The following THSD7B variants were observed in gnomAD, a reference collection of about 807,000 sequenced individuals.
THSD7B encodes thrombospondin type-1 domain-containing protein 7B.
In THSD7B, 138 loss-of-function variants were observed where a neutral mutation model predicts 213.6. The ratio of observed to expected loss-of-function variants is 0.65; its 90% confidence interval spans 0.56 to 0.74. The LOEUF (loss-of-function observed/expected upper bound fraction) is 0.74. THSD7B is among the 30% of genes least tolerant of loss of function. The pLI, the probability that THSD7B is intolerant of heterozygous loss-of-function variation, is 0.00. For missense variants in THSD7B, 1,931 were observed against 1,991.5 expected, an observed-to-expected ratio of 0.97 and a Z score of 0.58; for synonymous variants, 742 against 687.0, an observed-to-expected ratio of 1.08 and a Z score of -1.25.
At chr2:137,076,586 C>A (rs1183507777) in intron 3 of THSD7B, among the ~76,000 whole-genome samples, 1 of 152,086 alleles carries the variant, frequency 6.6e-6, no homozygotes, top group Non-Finnish European at 1.5e-5. Context: ...CAGTGCGCTG[C>A]ACCCACCGTC....
intron 1 of THSD7B, among the ~76,000 whole-genome samples, chr2:136,791,944 T>G (rs1452774056): frequency 6.6e-6 from 1 of 152,048 alleles, no homozygotes; most frequent in Non-Finnish European, 1.5e-5. Context: ...TTTAACCTTT[T>G]GAAGAATTAT....
chr2:137,555,422 CA>C (rs1184036312), intron 15 of THSD7B, among the ~76,000 whole-genome samples: 1 of 152,200 alleles, frequency 6.6e-6, no homozygotes, highest in Non-Finnish European at 1.5e-5. Context: ...TGCTGATACC[CA>C]GGCAAACAGG....
intron 7 of THSD7B, among the ~76,000 whole-genome samples, chr2:137,219,065 G>A (rs1269991530): frequency 6.6e-6 from 1 of 151,918 alleles, no homozygotes; most frequent in Non-Finnish European, 1.5e-5. Flanking sequence ...AAAATATACA[G>A]CATGATTCTC....
At chr2:136,795,543 A>C (rs552100537) in intron 1 of THSD7B, among the ~76,000 whole-genome samples, 1 of 152,082 alleles carries the variant, frequency 6.6e-6, no homozygotes, top group South Asian at 2.1e-4. Flanking sequence ...CATCTTTGTG[A>C]GGGCCGTTAT....
intron 3 of THSD7B, among the ~76,000 whole-genome samples, chr2:137,092,947 T>G (rs1310581811): frequency 6.6e-6 from 1 of 152,214 alleles, no homozygotes; most frequent in Non-Finnish European, 1.5e-5. Flanking sequence ...CCCCCTCCCC[T>G]TTTTTAAACC....
rs372687183 is a variant in THSD7B, at chr2:137,388,636, C to A, written c.2501-16977C>A. 1.1e-4 allele frequency among the ~76,000 whole-genome samples: 16 copies of A among 152,060 alleles called. No homozygotes were observed. The East Asian group carries it at 1.5e-3, about 15-fold the overall frequency. On this transcript the variant is annotated intron_variant, in intron 12 of 27. Transcript: ENST00000409968. ...CCTCCTACCTAATTATATGTTTGTA[C>A]CCATTAACCAACCTCTCTTCATCCT...
intron 2 of THSD7B, among the ~76,000 whole-genome samples, chr2:137,001,693 G>A (rs958497497): frequency 6.6e-6 from 1 of 152,038 alleles, no homozygotes; most frequent in African/African-American, 2.4e-5. Context: ...CAGTACTAAA[G>A]GCTCCAATTC....
rs879335014 is a variant in THSD7B, at chr2:137,646,681, T to TAATAAA, written c.3945+4050_3945+4051insTAAAAA. On this transcript the variant is annotated intron_variant, in intron 21 of 27. Coordinates refer to ENST00000409968, the MANE Select transcript of THSD7B (RefSeq NM_001316349.2). The stretch of plus-strand genomic sequence containing the variant: ...ATAATAATAATAATAATAATAATAA[T>TAATAAA]AAACACTTCACTGGCACCTTGATCT... 8.2e-4 allele frequency among the ~76,000 whole-genome samples: 121 copies of TAATAAA among 148,160 alleles called. 1 individual carries two copies. Among genetic ancestry groups the TAATAAA allele is most frequent in the African/African-American group, 2.6e-3 (104 of 40,318 alleles).
At chr2:137,223,547 TA>T (rs1026332528) in intron 7 of THSD7B, among the ~76,000 whole-genome samples, 4 of 152,174 alleles carry the variant, frequency 2.6e-5, no homozygotes, top group African/African-American at 9.6e-5. Context: ...CCACCCTGAC[TA>T]CCAAGCTGAA....
intron 12 of THSD7B, among the ~76,000 whole-genome samples, chr2:137,304,445 T>A (rs1163791242): frequency 1.3e-5 from 2 of 151,904 alleles, no homozygotes; most frequent in African/African-American, 4.8e-5. Context: ...CATATATAAA[T>A]CTAGATTTAG....
chr2:137,100,957 G>A (rs751219194), intron 4 of THSD7B, among the ~76,000 whole-genome samples: 16 of 152,182 alleles, frequency 1.1e-4, no homozygotes, highest in Admixed American at 9.8e-4. Context: ...TGATATCATA[G>A]TCTGAATTTG....
At chr2:137,572,941 C>T (rs1681386892) in intron 17 of THSD7B, among the ~76,000 whole-genome samples, 1 of 151,898 alleles carries the variant, frequency 6.6e-6, no homozygotes, top group Non-Finnish European at 1.5e-5. Context: ...CTTAGGAGCT[C>T]AACTCCACTG....
intron 2 of THSD7B, among the ~76,000 whole-genome samples, chr2:137,049,189 A>AG: frequency 6.6e-6 from 1 of 152,332 alleles, no homozygotes; most frequent in South Asian, 2.1e-4. Context: ...CAGGGCATTG[A>AG]GCTGGACAGA....
chr2:136,785,949 C>T (rs1464041166), intron 1 of THSD7B, among the ~76,000 whole-genome samples: 1 of 152,190 alleles, frequency 6.6e-6, no homozygotes, highest in Non-Finnish European at 1.5e-5. Context: ...GTTCTTTTCC[C>T]TCCACGTCTC....
At chr2:137,157,128 A>G (rs1011209569) in intron 5 of THSD7B, among the ~76,000 whole-genome samples, 5 of 152,256 alleles carry the variant, frequency 3.3e-5, no homozygotes, top group African/African-American at 9.6e-5. Flanking sequence ...ATGCAGGTCC[A>G]CTGTGCACTG....
intron 2 of THSD7B, among the ~76,000 whole-genome samples, chr2:137,003,128 C>G (rs1264791506): frequency 6.6e-6 from 1 of 152,152 alleles, no homozygotes; most frequent in Non-Finnish European, 1.5e-5. Context: ...GTATGATGAC[C>G]TACCTCATGA....
chr2:137,049,170 C>T (rs543167731), intron 2 of THSD7B, among the ~76,000 whole-genome samples: 18 of 152,296 alleles, frequency 1.2e-4, no homozygotes, highest in African/African-American at 3.8e-4. Flanking sequence ...TTGAGGCCAT[C>T]GCTCGAACCA....
At chr2:136,806,003 C>T (rs1236211561) in intron 1 of THSD7B, among the ~76,000 whole-genome samples, 2 of 152,154 alleles carry the variant, frequency 1.3e-5, no homozygotes, top group Non-Finnish European at 2.9e-5. Flanking sequence ...CTGCAGGGAC[C>T]TTACACTGCT....
intron 4 of THSD7B, among the ~76,000 whole-genome samples, chr2:137,101,486 T>C (rs1363633689): frequency 6.6e-6 from 1 of 152,204 alleles, no homozygotes; most frequent in African/African-American, 2.4e-5. Context: ...GAAGTAGAGC[T>C]AGCAGGAGTT....
Sources: allele counts gnomAD v4.1 joint callset (sites outside exome capture counted in the v4.1 genomes callset), GRCh38; gene constraint gnomAD v4.1.1; transcripts MANE v1.5; gene names NCBI Gene and HGNC (gene_info 2026-07-23, HGNC 2026-07-21).